Variants in GLT1D1 observed in about 807,000 individuals in gnomAD.
GLT1D1 encodes the protein glycosyltransferase 1 domain-containing protein 1.
In GLT1D1, 21 loss-of-function variants were observed where a neutral mutation model predicts 28.7. The observed-to-expected ratio is 0.73, with a 90% CI of 0.52 to 1.05. GLT1D1 has a LOEUF of 1.05. GLT1D1 is among the 50% of genes least tolerant of loss of function. The pLI is 0.00. For synonymous variants in GLT1D1, 147 were observed against 124.8 expected (o/e 1.18, Z -1.19); for missense variants, 343 against 330.6 (o/e 1.04, Z -0.29).
In GLT1D1 at chr12:128,875,944, C is replaced by A; in HGVS notation, c.99C>A (p.Cys33Ter). 1 of 1,614,008 alleles carries A rather than the reference C, an allele frequency of 6.2e-7. No individual in the cohort carries two copies. The highest frequency in any genetic ancestry group is 1.1e-5 in the South Asian group (1 of 91,084). The change falls in exon 2 of 8, where the codon TGC (cysteine) becomes TGA (stop). Residue 33 changes from cysteine (C) to a stop codon, truncating the protein, a stop_gained. Coordinates refer to ENST00000281703, the MANE Select transcript of GLT1D1 (RefSeq NM_144669.3). LOFTEE classifies it high-confidence loss of function. ...ATCTAGAGGCTGCAGGGCACGTGTG[C>A]GTTTTGAAGGATGCCTTTGACTTTG...
chr12:128,855,673 G>A (rs1044250278), intron 1 of GLT1D1, among the ~76,000 whole-genome samples: 3 of 148,634 alleles, frequency 2.0e-5, no homozygotes, highest in Non-Finnish European at 4.5e-5. Flanking sequence ...GTGAAAGCAA[G>A]TTTATTAAGA....
intron 4 of GLT1D1, among the ~76,000 whole-genome samples, chr12:128,908,806 G>A (rs187887189): frequency 3.9e-5 from 6 of 152,118 alleles, no homozygotes; most frequent in East Asian, 3.9e-4. Context: ...AAAATTAGCC[G>A]GGCGTGGTGA....
intron 1 of GLT1D1, among the ~76,000 whole-genome samples, chr12:128,875,024 G>C (rs1956838791): frequency 6.6e-6 from 1 of 151,422 alleles, no homozygotes; most frequent in African/African-American, 2.4e-5. Flanking sequence ...TGGAGACAAA[G>C]AGAAGAGACA....
intron 4 of GLT1D1, chr12:128,927,120 A>G: frequency 6.5e-7 from 1 of 1,535,666 alleles, no homozygotes. Context: ...CATCAGGAGG[A>G]GCCCAATGTG....
rs1267086715 is a variant in GLT1D1, at chr12:128,881,081, G to A, written c.217+5019G>A. ...CTACTAAAAATACAAAAATTTAGCC[G>A]GGCGTGTTGGCGGGCGCCTGTAGTT... On this transcript the variant is annotated intron_variant, in intron 2 of 7. Coordinates refer to ENST00000281703, the MANE Select transcript of GLT1D1 (RefSeq NM_144669.3). Among the ~76,000 whole-genome samples the A allele has an allele frequency of 2.6e-5, 4 of 151,510 alleles. No individual in the cohort carries two copies. The South Asian group carries it at 6.3e-4, about 24-fold the overall frequency.
intron 7 of GLT1D1, among the ~76,000 whole-genome samples, chr12:128,968,859 G>A (rs1041610961): frequency 6.6e-6 from 1 of 152,058 alleles, no homozygotes; most frequent in Non-Finnish European, 1.5e-5. Flanking sequence ...GGGTCTGACT[G>A]CAGAGCCTGA....
At chr12:128,947,260 T>C (rs2135494283) in intron 5 of GLT1D1, 78 bp from the exon 10 acceptor site, 2 of 1,557,156 alleles carry the variant, frequency 1.3e-6, no homozygotes, top group Non-Finnish European at 1.8e-6. Flanking sequence ...TACACCCAAA[T>C]TGTCATCTCT....
chr12:128,966,252 G>C (rs1370655639), intron 7 of GLT1D1, among the ~76,000 whole-genome samples: 1 of 152,218 alleles, frequency 6.6e-6, no homozygotes, highest in African/African-American at 2.4e-5. Context: ...GTGCATACCA[G>C]CCAGCATCCC....
chr12:128,945,240 C>G, intron 4 of GLT1D1, 86 bp from the exon 9 acceptor site: 2 of 1,373,628 alleles, frequency 1.5e-6, no homozygotes, highest in South Asian at 2.3e-5. Flanking sequence ...GCGCTGGCAC[C>G]AGGGCTTTGG....
chr12:128,869,746 AGAT>A (rs1247775616), intron 1 of GLT1D1, among the ~76,000 whole-genome samples: 1 of 152,040 alleles, frequency 6.6e-6, no homozygotes, highest in African/African-American at 2.4e-5. Context: ...CTGACCCTGC[AGAT>A]GGGCGTCCCC....
At chr12:128,964,162 G>T (rs1357264623) in intron 7 of GLT1D1, among the ~76,000 whole-genome samples, 1 of 152,202 alleles carries the variant, frequency 6.6e-6, no homozygotes, top group Non-Finnish European at 1.5e-5. Context: ...AGGCCAGATT[G>T]CTTGAGCCCA....
At chr12:128,926,448 T>A in intron 4 of GLT1D1, 1 of 1,507,344 alleles carries the variant, frequency 6.6e-7, no homozygotes. Context: ...GGTGGACGCA[T>A]TTTCAGGTGT....
intron 2 of GLT1D1, among the ~76,000 whole-genome samples, chr12:128,885,474 C>T (rs557170994): frequency 4.6e-5 from 7 of 152,236 alleles, no homozygotes; most frequent in South Asian, 4.1e-4. Flanking sequence ...CCACCCGCCT[C>T]GGCCTTCCAA....
chr12:128,893,877 G>A (rs1476896036), intron 3 of GLT1D1, among the ~76,000 whole-genome samples: 1 of 152,110 alleles, frequency 6.6e-6, no homozygotes, highest in East Asian at 1.9e-4. Flanking sequence ...GAGCCATCAC[G>A]CCCCACTAAT....
intron 2 of GLT1D1, among the ~76,000 whole-genome samples, chr12:128,879,479 A>G (rs981089488): frequency 1.8e-5 from 2 of 111,070 alleles, no homozygotes; most frequent in Non-Finnish European, 3.5e-5. Context: ...GGGGGTGGGC[A>G]GAGTCTCACT....
chr12:128,947,695 T>C (rs1042617228), intron 6 of GLT1D1, among the ~76,000 whole-genome samples: 1 of 152,190 alleles, frequency 6.6e-6, no homozygotes, highest in Non-Finnish European at 1.5e-5. Context: ...AAAATAAAAC[T>C]GGGATAGCAT....
intron 4 of GLT1D1, among the ~76,000 whole-genome samples, chr12:128,919,934 A>G (rs1450997959): frequency 1.4e-5 from 2 of 143,082 alleles, no homozygotes; most frequent in Non-Finnish European, 3.1e-5. Flanking sequence ...TTCTAGTTTT[A>G]TTGCTTATTT....
intron 4 of GLT1D1, among the ~76,000 whole-genome samples, chr12:128,943,029 G>A (rs11060033): frequency 0.17 from 26,273 of 152,120 alleles, 2,322 homozygotes; most frequent in East Asian, 0.23. Flanking sequence ...TTATAGGCGT[G>A]AGCCACCACG....
At chr12:128,863,066 C>T (rs1017588877) in intron 1 of GLT1D1, among the ~76,000 whole-genome samples, 3 of 152,120 alleles carry the variant, frequency 2.0e-5, no homozygotes, top group South Asian at 2.1e-4. Context: ...ATAGGAGACA[C>T]GGCACACACC....
Sources: allele counts gnomAD v4.1 joint callset (sites outside exome capture counted in the v4.1 genomes callset), GRCh38; gene constraint gnomAD v4.1.1; transcripts MANE v1.5; gene names NCBI Gene and HGNC (gene_info 2026-07-23, HGNC 2026-07-21).